The following KAZN variants were observed in gnomAD, a reference collection of about 807,000 sequenced individuals.
The protein encoded by KAZN is kazrin, periplakin interacting protein.
Under a neutral mutation model 87.4 loss-of-function variants are expected in KAZN, and 40 were observed. The observed-to-expected ratio is 0.46, with a 90% confidence interval of 0.36 to 0.60. The LOEUF (loss-of-function observed/expected upper bound fraction) is 0.60, where lower values mean the gene tolerates loss of function less well. Among genes scored for constraint, KAZN ranks in the 20% least tolerant of loss-of-function variants. KAZN has a pLI of 0.00. For synonymous variants in KAZN, 466 were observed against 458.3 expected, an observed-to-expected ratio of 1.02 and a Z score of -0.22; for missense variants, 898 against 1,073.9, an observed-to-expected ratio of 0.84 and a Z score of 2.29.
At chr1:14,065,714 G>A (rs1041105578) in intron 1 of KAZN, among the ~76,000 whole-genome samples, 6 of 152,090 alleles carry the variant, frequency 3.9e-5, no homozygotes, top group Non-Finnish European at 5.9e-5. Flanking sequence ...TGCAAGGGGC[G>A]GGCCTGGCAT....
intron 2 of KAZN, among the ~76,000 whole-genome samples, chr1:14,444,492 A>G (rs1161103655): frequency 2.0e-5 from 3 of 151,830 alleles, no homozygotes; most frequent in Admixed American, 2.0e-4. Flanking sequence ...TTGTATTTTT[A>G]GTAGAGATGG....
At chr1:14,868,082 C>T (rs1651722690) in intron 1 of KAZN, among the ~76,000 whole-genome samples, 1 of 151,630 alleles carries the variant, frequency 6.6e-6, no homozygotes, top group Non-Finnish European at 1.5e-5. Flanking sequence ...ACAGGCATCA[C>T]ATACGCACGG....
chr1:14,567,975 T>G (rs1208087264), intron 2 of KAZN, among the ~76,000 whole-genome samples: 1 of 152,222 alleles, frequency 6.6e-6, no homozygotes, highest in Non-Finnish European at 1.5e-5. Context: ...CTTATGAATA[T>G]GGTAGGATTT....
At chr1:14,934,790 C>A (rs1220676237) in intron 1 of KAZN, among the ~76,000 whole-genome samples, 3 of 152,210 alleles carry the variant, frequency 2.0e-5, no homozygotes, top group African/African-American at 4.8e-5. Context: ...TACTCAATTG[C>A]CCATCCTGGC....
intron 1 of KAZN, among the ~76,000 whole-genome samples, chr1:14,667,104 T>G (rs1242849972): frequency 3.9e-5 from 6 of 152,212 alleles, no homozygotes; most frequent in African/African-American, 1.2e-4. Context: ...AAGATGCTTT[T>G]CCAAATAAGT....
intron 1 of KAZN, among the ~76,000 whole-genome samples, chr1:14,806,853 A>C (rs1456212799): frequency 6.6e-6 from 1 of 152,030 alleles, no homozygotes; most frequent in South Asian, 2.1e-4. Context: ...ATTTGTACCC[A>C]CTCTGCAGGA....
At chr1:14,177,253 ATAT>A (rs752858537) in intron 1 of KAZN, among the ~76,000 whole-genome samples, 106 of 152,184 alleles carry the variant, frequency 7.0e-4, no homozygotes, top group Non-Finnish European at 1.2e-3. Context: ...ACCCCACAGG[ATAT>A]TATTATTGTT....
chr1:14,406,664 A>G (rs6680936), intron 2 of KAZN, among the ~76,000 whole-genome samples: 26,658 of 152,122 alleles, frequency 0.18, 2,393 homozygotes, highest in East Asian at 0.24. Flanking sequence ...GTAACCAAAT[A>G]CCACCTGTTC....
At chr1:13,973,206 A>G (rs12064246) in intron 1 of KAZN, among the ~76,000 whole-genome samples, 7,833 of 152,188 alleles carry the variant, frequency 0.051, 656 homozygotes, top group African/African-American at 0.18. Context: ...CTTGACATGT[A>G]TCATCTCATG....
At chr1:14,414,148 G>A (rs1010038698) in intron 2 of KAZN, among the ~76,000 whole-genome samples, 14 of 152,146 alleles carry the variant, frequency 9.2e-5, no homozygotes, top group Admixed American at 7.9e-4. Context: ...TAGAGACATA[G>A]GAATTCTTAC....
At chr1:14,743,803 C>T (rs1644184938) in intron 1 of KAZN, among the ~76,000 whole-genome samples, 1 of 152,112 alleles carries the variant, frequency 6.6e-6, no homozygotes, top group Non-Finnish European at 1.5e-5. Flanking sequence ...CCTGACAGCT[C>T]CAACAAGAGT....
intron 2 of KAZN, among the ~76,000 whole-genome samples, chr1:14,192,682 T>G (rs949473185): frequency 1.5e-4 from 23 of 152,170 alleles, no homozygotes; most frequent in African/African-American, 5.1e-4. Context: ...GAATCAGTGT[T>G]TTCAGAATCT....
chr1:14,712,564 T>C (rs1406106060), intron 1 of KAZN, among the ~76,000 whole-genome samples: 2 of 152,196 alleles, frequency 1.3e-5, no homozygotes, highest in Non-Finnish European at 2.9e-5. Context: ...TTGCAATCAT[T>C]TGAGACCCCT....
intron 1 of KAZN, among the ~76,000 whole-genome samples, chr1:14,705,481 C>T (rs1000492551): frequency 3.9e-5 from 6 of 152,322 alleles, no homozygotes; most frequent in Admixed American, 3.3e-4. Context: ...CCTGCACCCC[C>T]ATGTTTATTG....
intron 1 of KAZN, among the ~76,000 whole-genome samples, chr1:14,691,311 A>G (rs1002770838): frequency 1.3e-5 from 2 of 152,230 alleles, no homozygotes; most frequent in Non-Finnish European, 2.9e-5. Context: ...TACAAGCAGT[A>G]TGTACACTAT....
chr1:15,034,940 C>G, intron 3 of KAZN, 55 bp downstream of exon 3: 1 of 1,600,580 alleles, frequency 6.2e-7, no homozygotes, highest in Non-Finnish European at 8.5e-7. Context: ...TCCCACCTCC[C>G]CTGCTGGCTG....
At chr1:13,916,260 A>G (rs1358676664) in intron 1 of KAZN, among the ~76,000 whole-genome samples, 2 of 152,270 alleles carry the variant, frequency 1.3e-5, no homozygotes, top group Admixed American at 1.3e-4. Context: ...TCCCCAGAGA[A>G]AAGAAAGAAT....
rs1673187812 is a variant in KAZN, at chr1:15,043,930, T to A, written c.556-59T>A. Reference sequence around the variant, plus strand: ...GAGTTAGGCCCCCTCTAGGCATCCCTGGGCCAGGAGGAGCCTGGCTGTAAC... The same window carrying A: ...GAGTTAGGCCCCCTCTAGGCATCCCAGGGCCAGGAGGAGCCTGGCTGTAAC... On this transcript the variant is annotated intron_variant, in intron 3 of 14. Transcript: ENST00000376030. 6 of 1,512,932 alleles carry A rather than the reference T, an allele frequency of 4.0e-6. No homozygotes were observed. The African/African-American group carries it at 5.5e-5, about 14-fold the overall frequency. The allele number at this position is 1,512,932 out of a possible 1,614,324, so 93.7% of individuals were successfully genotyped here.
intron 1 of KAZN, among the ~76,000 whole-genome samples, chr1:13,944,269 C>A (rs1395472259): frequency 6.6e-6 from 1 of 152,202 alleles, no homozygotes; most frequent in Non-Finnish European, 1.5e-5. Context: ...AAGCCAGACA[C>A]AAGAGACCAA....
Sources: gnomAD v4.1 joint callset for allele counts (sites outside exome capture counted in the v4.1 genomes callset) on GRCh38, gnomAD v4.1.1 for gene constraint, MANE v1.5 for transcripts, NCBI Gene and HGNC (gene_info 2026-07-23, HGNC 2026-07-21) for gene names.